The following ZMIZ1 variants were observed in gnomAD, a reference collection of about 807,000 sequenced individuals.
ZMIZ1 encodes the protein zinc finger MIZ domain-containing protein 1.
Under a neutral mutation model 113.9 loss-of-function variants are expected in ZMIZ1, and 17 were observed. The observed-to-expected ratio is 0.15, with a 90% CI of 0.10 to 0.22. ZMIZ1 has a LOEUF of 0.22. ZMIZ1 is among the 10% of genes least tolerant of loss of function. ZMIZ1 has a pLI of 1.00. For missense variants in ZMIZ1, 1,059 were observed against 1,477.8 expected (o/e 0.72, Z 4.65); for synonymous variants, 607 against 603.1 (o/e 1.01, Z -0.09).
In ZMIZ1 at chr10:79,103,138, C is replaced by T. The variant is rs924215832; in HGVS notation, c.-336-15777C>T. Among the ~76,000 whole-genome samples the T allele has an allele frequency of 3.3e-5, 5 of 152,032 alleles. No homozygotes were observed. The East Asian group carries it at 9.7e-4, about 29-fold the overall frequency. ...ACCCCTTGAGAAACTGTAAAACAGC[C>T]AGCCACTGTAGGTGGAGGAGGTGGT... On this transcript the variant is annotated intron_variant, in intron 1 of 24. Transcript: ENST00000334512.
intron 4 of ZMIZ1, among the ~76,000 whole-genome samples, chr10:79,166,485 G>A (rs552753312): frequency 1.3e-5 from 2 of 152,326 alleles, no homozygotes; most frequent in South Asian, 4.1e-4. Flanking sequence ...CTGCCGTGCC[G>A]GCCACCTCCT....
At chr10:79,132,138 C>T (rs1040521988) in intron 2 of ZMIZ1, among the ~76,000 whole-genome samples, 5 of 152,194 alleles carry the variant, frequency 3.3e-5, no homozygotes, top group African/African-American at 7.2e-5. Context: ...ATCACTGCCA[C>T]GTGCACGAGC....
intron 7 of ZMIZ1, among the ~76,000 whole-genome samples, chr10:79,239,278 A>G (rs1849713464): frequency 6.6e-6 from 1 of 152,210 alleles, no homozygotes; most frequent in Admixed American, 6.5e-5. Context: ...TAGCTGCTCC[A>G]TGCCAGGTCC....
chr10:79,087,829 C>T (rs1327921617), intron 1 of ZMIZ1, among the ~76,000 whole-genome samples: 1 of 152,242 alleles, frequency 6.6e-6, no homozygotes, highest in African/African-American at 2.4e-5. Flanking sequence ...TGCCCTCATG[C>T]ACCAGCTAGG....
chr10:79,282,611 A>G (rs538189156), intron 8 of ZMIZ1, among the ~76,000 whole-genome samples: 1 of 152,284 alleles, frequency 6.6e-6, no homozygotes, highest in Admixed American at 6.5e-5. Flanking sequence ...TTTCTTCCAC[A>G]CAAATGCTGT....
At chr10:79,192,033 G>T (rs1237058744) in intron 4 of ZMIZ1, among the ~76,000 whole-genome samples, 5 of 152,236 alleles carry the variant, frequency 3.3e-5, no homozygotes, top group African/African-American at 1.2e-4. Flanking sequence ...AGCCCAAGGG[G>T]CCTTCTCCAG....
At chr10:79,132,127 G>C (rs946133222) in intron 2 of ZMIZ1, among the ~76,000 whole-genome samples, 1 of 152,212 alleles carries the variant, frequency 6.6e-6, no homozygotes, top group East Asian at 1.9e-4. Flanking sequence ...TTGACTTTCA[G>C]ATCACTGCCA....
intron 4 of ZMIZ1, among the ~76,000 whole-genome samples, chr10:79,199,272 C>T (rs1255204326): frequency 6.6e-6 from 1 of 152,100 alleles, no homozygotes; most frequent in Non-Finnish European, 1.5e-5. Context: ...CTTTGGGAGG[C>T]CGAGGCAGGG....
intron 10 of ZMIZ1, among the ~76,000 whole-genome samples, chr10:79,291,685 A>G (rs1387179494): frequency 6.6e-6 from 1 of 152,168 alleles, no homozygotes; most frequent in East Asian, 1.9e-4. Context: ...GTGTGAGGCG[A>G]GCAGAGGTGC....
At chr10:79,093,129 A>G (rs1046862301) in intron 1 of ZMIZ1, among the ~76,000 whole-genome samples, 4 of 85,638 alleles carry the variant, frequency 4.7e-5, no homozygotes, top group Non-Finnish European at 6.8e-5. Flanking sequence ...CACCCCCCCC[A>G]CCCCCAACAC....
Position 79,248,078 on chromosome 10 carries a change from G to T in ZMIZ1, c.281-29103G>T, listed in dbSNP as rs572791754. Reference sequence around the variant, plus strand: ...GAAAGAAGCTTGGGCCATGTCTTTGGGTGCCACCACCCGCATCTGGGTGTG... The same window carrying T: ...GAAAGAAGCTTGGGCCATGTCTTTGTGTGCCACCACCCGCATCTGGGTGTG... On this transcript the variant is annotated intron_variant, in intron 7 of 24. Transcript: ENST00000334512. 2.6e-5 allele frequency among the ~76,000 whole-genome samples: 4 copies of T among 152,274 alleles called. No homozygotes were observed. In the East Asian group the frequency reaches 7.7e-4, roughly 29 times the overall value.
intron 3 of ZMIZ1, among the ~76,000 whole-genome samples, chr10:79,152,599 T>A (rs1361912519): frequency 6.6e-6 from 1 of 152,250 alleles, no homozygotes; most frequent in African/African-American, 2.4e-5. Flanking sequence ...CTAGTCTGGA[T>A]GGCCTCAGAC....
At chr10:79,108,139 C>G (rs1421798195) in intron 1 of ZMIZ1, among the ~76,000 whole-genome samples, 1 of 152,224 alleles carries the variant, frequency 6.6e-6, no homozygotes, top group Non-Finnish European at 1.5e-5. Flanking sequence ...TAATCATCCT[C>G]GCTCCACTGT....
At chr10:79,156,982 GA>G (rs975628022) in intron 3 of ZMIZ1, among the ~76,000 whole-genome samples, 4 of 152,206 alleles carry the variant, frequency 2.6e-5, no homozygotes, top group African/African-American at 9.7e-5. Context: ...CAAGCGAAAA[GA>G]AACACCAGCA....
chr10:79,299,499 CAA>C (rs1384754380), intron 16 of ZMIZ1, among the ~76,000 whole-genome samples: 3 of 152,226 alleles, frequency 2.0e-5, no homozygotes, highest in African/African-American at 7.2e-5. Flanking sequence ...CGTGAGCTGA[CAA>C]GAGGGAACGC....
At chr10:79,183,939 C>G (rs545657804) in intron 4 of ZMIZ1, among the ~76,000 whole-genome samples, 1 of 152,206 alleles carries the variant, frequency 6.6e-6, no homozygotes, top group Non-Finnish European at 1.5e-5. Flanking sequence ...ATGACACTCT[C>G]TTAGCCTCCA....
At chr10:79,243,754 G>A (rs756813944) in intron 7 of ZMIZ1, 3 of 252,720 alleles carry the variant, frequency 1.2e-5, no homozygotes, top group Non-Finnish European at 1.6e-5. Flanking sequence ...TGCGGGGTCG[G>A]AGGGGTCGGC....
At chr10:79,145,149 T>C (rs1281690038) in intron 3 of ZMIZ1, among the ~76,000 whole-genome samples, 3 of 152,038 alleles carry the variant, frequency 2.0e-5, no homozygotes, top group African/African-American at 4.8e-5. Context: ...ATCTTCTTTC[T>C]GTATCTTCCT....
rs573729966 is a variant in ZMIZ1 at position 79,155,786 on chromosome 10, GCT to G, written c.-130-6260_-130-6259del. Among the ~76,000 whole-genome samples, 340 of 152,380 alleles carry G rather than the reference GCT, an allele frequency of 2.2e-3. 1 individual carries two copies. The highest frequency in any genetic ancestry group is 7.4e-3 in the African/African-American group (309 of 41,594). ...GCCCTGCTCACTGATGCCCTCTGCA[GCT>G]CTCTCTTCAGCCCAAAGCTCTTCTC... On this transcript the variant is annotated intron_variant, in intron 3 of 24. Coordinates refer to ENST00000334512, the MANE Select transcript of ZMIZ1 (RefSeq NM_020338.4).
Sources: gnomAD v4.1 joint callset for allele counts (sites outside exome capture counted in the v4.1 genomes callset) on GRCh38, gnomAD v4.1.1 for gene constraint, MANE v1.5 for transcripts, NCBI Gene and HGNC (gene_info 2026-07-23, HGNC 2026-07-21) for gene names.